The following ELP4 variants were observed in gnomAD, a reference collection of about 807,000 sequenced individuals.
ELP4 encodes elongator complex protein 4.
A neutral mutation model predicts 48.9 loss-of-function variants in ELP4; 51 were observed. The ratio of observed to expected loss-of-function variants is 1.04; its 90% CI spans 0.83 to 1.32. The LOEUF (loss-of-function observed/expected upper bound fraction) is 1.32, where lower values mean the gene tolerates loss of function less well. Among genes scored for constraint, ELP4 ranks in the 40% most tolerant of loss-of-function variants. ELP4 has a pLI of 0.00. For synonymous variants in ELP4, 210 were observed against 189.2 expected (o/e 1.11, Z -0.90); for missense variants, 519 against 514.6 (o/e 1.01, Z -0.08).
intron 1 of ELP4, among the ~76,000 whole-genome samples, chr11:31,517,677 C>T (rs1259763121): frequency 1.3e-5 from 2 of 151,294 alleles, no homozygotes; most frequent in South Asian, 2.1e-4. Context: ...AGTGCAGTGG[C>T]GCGATCTCAG....
intron 9 of ELP4, among the ~76,000 whole-genome samples, chr11:31,747,011 A>G (rs1187777509): frequency 6.6e-6 from 1 of 151,026 alleles, no homozygotes; most frequent in Non-Finnish European, 1.5e-5. Context: ...TATATATGCT[A>G]TTCATTTTAA....
chr11:31,569,224 A>G (rs1198693106), intron 3 of ELP4, among the ~76,000 whole-genome samples: 1 of 152,214 alleles, frequency 6.6e-6, no homozygotes, highest in Non-Finnish European at 1.5e-5. Flanking sequence ...ACTCAAAAGC[A>G]TTTGCAACAA....
intron 9 of ELP4, among the ~76,000 whole-genome samples, chr11:31,666,616 C>T (rs1235906924): frequency 7.3e-5 from 11 of 149,980 alleles, no homozygotes; most frequent in Admixed American, 6.7e-4. Flanking sequence ...CACTTGAACC[C>T]GGGAGGCGGA....
At chr11:31,747,942 A>G (rs1455431992) in intron 9 of ELP4, among the ~76,000 whole-genome samples, 1 of 152,234 alleles carries the variant, frequency 6.6e-6, no homozygotes, top group Non-Finnish European at 1.5e-5. Context: ...TTAGTGCCAA[A>G]CAACTTTTCT....
chr11:31,718,885 A>T (rs1033137351), intron 9 of ELP4, among the ~76,000 whole-genome samples: 10 of 152,226 alleles, frequency 6.6e-5, no homozygotes, highest in Admixed American at 3.9e-4. Flanking sequence ...GAGAAAAATT[A>T]AGCCCTGACA....
chr11:31,597,701 A>C (rs771395876), intron 4 of ELP4, among the ~76,000 whole-genome samples: 4 of 151,684 alleles, frequency 2.6e-5, no homozygotes, highest in Non-Finnish European at 5.9e-5. Context: ...CCTCCCGAGT[A>C]GCTGGGACTA....
At chr11:31,520,732 A>C (rs541124910) in intron 2 of ELP4, among the ~76,000 whole-genome samples, 14 of 152,208 alleles carry the variant, frequency 9.2e-5, no homozygotes, top group African/African-American at 3.4e-4. Flanking sequence ...AAATTTACGT[A>C]GTTTTTCACG....
chr11:31,693,504 GCTGCATAGTATTC>G (rs1946326723), intron 9 of ELP4, among the ~76,000 whole-genome samples: 1 of 152,092 alleles, frequency 6.6e-6, no homozygotes, highest in Non-Finnish European at 1.5e-5. Flanking sequence ...CTTTTTTATG[GCTGCATAGTATTC>G]CATTGTGTAT....
chr11:31,632,902 T>G (rs1479549645), intron 7 of ELP4: 1 of 152,190 alleles, frequency 6.6e-6, no homozygotes, highest in African/African-American at 2.4e-5. Context: ...TTTCTTTAAT[T>G]AATATTCTAA....
intron 3 of ELP4, among the ~76,000 whole-genome samples, chr11:31,584,714 G>A (rs1021278542): frequency 1.3e-5 from 2 of 151,948 alleles, no homozygotes; most frequent in East Asian, 1.9e-4. Context: ...TACTAGAGAC[G>A]GGGTTTCGCC....
At chr11:31,697,653 A>G (rs1946439236) in intron 9 of ELP4, among the ~76,000 whole-genome samples, 2 of 152,172 alleles carry the variant, frequency 1.3e-5, no homozygotes, top group South Asian at 2.1e-4. Flanking sequence ...TACACAACTC[A>G]TAATTTAACA....
intron 9 of ELP4, among the ~76,000 whole-genome samples, chr11:31,677,394 A>G (rs1206753212): frequency 7.2e-5 from 11 of 152,194 alleles, no homozygotes; most frequent in Non-Finnish European, 1.0e-4. Context: ...TTTCAAGTAG[A>G]TTAATTTTAG....
At chr11:31,759,166 C>T (rs1187620019) in intron 9 of ELP4, among the ~76,000 whole-genome samples, 4 of 152,122 alleles carry the variant, frequency 2.6e-5, no homozygotes, top group African/African-American at 4.8e-5. Context: ...AGAAGTTTTG[C>T]TTGGTGTACC....
chr11:31,595,120 T>G (rs936949815), intron 4 of ELP4, among the ~76,000 whole-genome samples: 1 of 152,184 alleles, frequency 6.6e-6, no homozygotes, highest in Non-Finnish European at 1.5e-5. Context: ...ATAATGCCCA[T>G]ATAGAATGCT....
intron 9 of ELP4, among the ~76,000 whole-genome samples, chr11:31,709,937 A>G (rs1946705950): frequency 2.6e-5 from 4 of 152,188 alleles, no homozygotes; most frequent in Admixed American, 2.6e-4. Flanking sequence ...TGATCATGCT[A>G]TTATATACAG....
intron 2 of ELP4, among the ~76,000 whole-genome samples, chr11:31,527,033 C>G (rs927102788): frequency 1.3e-5 from 2 of 152,004 alleles, no homozygotes; most frequent in African/African-American, 2.4e-5. Context: ...TTCACTGAAA[C>G]CACCTTAATG....
chr11:31,661,930 G>A (rs1478180170), intron 9 of ELP4, among the ~76,000 whole-genome samples: 2 of 151,978 alleles, frequency 1.3e-5, no homozygotes, highest in Non-Finnish European at 1.5e-5. Context: ...TATCAGTAAA[G>A]TAACTGATAC....
intron 2 of ELP4, among the ~76,000 whole-genome samples, chr11:31,526,262 A>G (rs1956292789): frequency 6.6e-6 from 1 of 152,144 alleles, no homozygotes; most frequent in Non-Finnish European, 1.5e-5. Context: ...ATACTAAAAC[A>G]TGATAACTTA....
intron 3 of ELP4, among the ~76,000 whole-genome samples, chr11:31,565,710 T>G (rs896454609): frequency 6.6e-6 from 1 of 151,374 alleles, no homozygotes; most frequent in African/African-American, 2.4e-5. Context: ...TTCTGAGGGC[T>G]CTGTTCTGTT....
Sources: gnomAD v4.1 joint callset for allele counts (sites outside exome capture counted in the v4.1 genomes callset) on GRCh38, gnomAD v4.1.1 for gene constraint, MANE v1.5 for transcripts, NCBI Gene and HGNC (gene_info 2026-07-23, HGNC 2026-07-21) for gene names.